TUSC3: variants seen among roughly 807,000 people sequenced by gnomAD.
TUSC3 encodes the protein tumor suppressor candidate 3, also known as dolichyl-diphosphooligosaccharide--protein glycosyltransferase subunit TUSC3.
TUSC3 carries 45 observed loss-of-function variants against 44.8 expected under a neutral mutation model. The ratio of observed to expected loss-of-function variants is 1.00; its 90% CI spans 0.79 to 1.29. The LOEUF is 1.29. Ranked by LOEUF, TUSC3 falls within the 50% of genes most tolerant of loss-of-function variation. The pLI is 0.00. For missense variants in TUSC3, 519 were observed against 437.9 expected (o/e 1.19, Z -1.65); for synonymous variants, 212 against 152.9 (o/e 1.39, Z -2.85).
chr8:15,493,203 T>C (rs1365449659), intron 2 of TUSC3, among the ~76,000 whole-genome samples: 1 of 152,214 alleles, frequency 6.6e-6, no homozygotes, highest in Non-Finnish European at 1.5e-5. Flanking sequence ...CCCTGGTCTC[T>C]GATGTTTCTG....
chr8:15,452,815 G>C (rs1446336970), intron 1 of TUSC3, among the ~76,000 whole-genome samples: 2 of 152,086 alleles, frequency 1.3e-5, no homozygotes, highest in Non-Finnish European at 2.9e-5. Context: ...AAAATCTCCA[G>C]GAAGCTTTTG....
chr8:15,551,471 G>C (rs1181356952), intron 1 of TUSC3, among the ~76,000 whole-genome samples: 1 of 151,570 alleles, frequency 6.6e-6, no homozygotes, highest in African/African-American at 2.4e-5. Flanking sequence ...TATATGATTC[G>C]TGGGGGGTAA....
At chr8:15,540,676 G>A in intron 1 of TUSC3, 108 bp downstream of exon 1, 1 of 1,389,356 alleles carries the variant, frequency 7.2e-7, no homozygotes, top group South Asian at 1.6e-5. Flanking sequence ...GCCGGCGTGG[G>A]CGATGCCGGC....
intron 1 of TUSC3, among the ~76,000 whole-genome samples, chr8:15,591,155 G>A (rs968565298): frequency 6.6e-6 from 1 of 152,040 alleles, no homozygotes; most frequent in African/African-American, 2.4e-5. Context: ...AAAAATATTT[G>A]AAGATTTAAA....
intron 6 of TUSC3, among the ~76,000 whole-genome samples, chr8:15,716,868 T>A (rs950302218): frequency 2.6e-5 from 4 of 152,060 alleles, no homozygotes; most frequent in African/African-American, 9.7e-5. Context: ...CTTCATACCC[T>A]TTTGAGGACT....
chr8:15,597,759 A>G (rs1445716753), intron 1 of TUSC3, among the ~76,000 whole-genome samples: 1 of 152,104 alleles, frequency 6.6e-6, no homozygotes, highest in Non-Finnish European at 1.5e-5. Context: ...ACTTGAAAGC[A>G]TATGGCTAAG....
intron 6 of TUSC3, among the ~76,000 whole-genome samples, chr8:15,695,932 C>T (rs748095641): frequency 3.9e-5 from 6 of 152,026 alleles, no homozygotes; most frequent in Non-Finnish European, 7.4e-5. Flanking sequence ...TGCTGTTAAA[C>T]GCATTCAGTT....
At chr8:15,430,319 T>G (rs1474343295) in intron 1 of TUSC3, among the ~76,000 whole-genome samples, 1 of 149,572 alleles carries the variant, frequency 6.7e-6, no homozygotes, top group Non-Finnish European at 1.5e-5. Context: ...CAAGGCTGGT[T>G]CAACATAAAC....
At chr8:15,597,852 A>G (rs1325166342) in intron 1 of TUSC3, among the ~76,000 whole-genome samples, 1 of 152,044 alleles carries the variant, frequency 6.6e-6, no homozygotes, top group African/African-American at 2.4e-5. Context: ...GGCATTTGGA[A>G]TTCTAAGTTG....
Position 15,461,039 on chromosome 8 carries a change from G to A in TUSC3, n.92-22347G>A, listed in dbSNP as rs377518701. On this transcript the variant is annotated intron_variant and non_coding_transcript_variant, in intron 1 of 5. Coordinates refer to the TUSC3 transcript ENST00000503191. ...CTTTTTAACTTCCATATGAATTTTA[G>A]AATTGTGTTTTCTAATTCTGTGAAG... Among the ~76,000 whole-genome samples, 100 of 152,184 alleles carry A rather than the reference G, an allele frequency of 6.6e-4. 1 individual carries two copies. The South Asian group carries it at 0.019, about 30-fold the overall frequency.
chr8:15,457,296 C>T (rs1276085058), intron 1 of TUSC3, among the ~76,000 whole-genome samples: 2 of 151,230 alleles, frequency 1.3e-5, no homozygotes, highest in African/African-American at 2.4e-5. Flanking sequence ...TGCACAAGTA[C>T]CCTAGAACTT....
intron 1 of TUSC3, among the ~76,000 whole-genome samples, chr8:15,420,983 T>G (rs1336587299): frequency 6.6e-6 from 1 of 152,182 alleles, no homozygotes; most frequent in Non-Finnish European, 1.5e-5. Context: ...TATATGCAAG[T>G]GACACTAATT....
intron 6 of TUSC3, among the ~76,000 whole-genome samples, chr8:15,675,742 A>G (rs1808159556): frequency 6.6e-6 from 1 of 152,124 alleles, no homozygotes; most frequent in Admixed American, 6.6e-5. Context: ...CTCCAGCTGC[A>G]TCCATATTGC....
intron 1 of TUSC3, among the ~76,000 whole-genome samples, chr8:15,482,006 GCTT>G (rs1262939742): frequency 1.3e-5 from 2 of 152,152 alleles, no homozygotes; most frequent in African/African-American, 4.8e-5. Flanking sequence ...CAATCCAGCT[GCTT>G]CTTTATTAAC....
chr8:15,593,132 G>A (rs776726898), intron 1 of TUSC3, among the ~76,000 whole-genome samples: 1 of 152,004 alleles, frequency 6.6e-6, no homozygotes, highest in Non-Finnish European at 1.5e-5. Flanking sequence ...GTTGCCCAGG[G>A]TGGAGTGCAG....
intron 1 of TUSC3, among the ~76,000 whole-genome samples, chr8:15,621,504 CAT>C (rs10569091): frequency 0.35 from 49,851 of 142,770 alleles, 8,675 homozygotes; most frequent in Non-Finnish European, 0.38. Context: ...ATAAAATACA[CAT>C]AAATATATGT....
At chr8:15,696,527 G>A (rs529709794) in intron 6 of TUSC3, among the ~76,000 whole-genome samples, 42 of 152,250 alleles carry the variant, frequency 2.8e-4, no homozygotes, top group African/African-American at 5.3e-4. Flanking sequence ...CTGGGACACC[G>A]CCTCGTAGAG....
chr8:15,468,156 T>G (rs1344842817), intron 1 of TUSC3, among the ~76,000 whole-genome samples: 1 of 152,210 alleles, frequency 6.6e-6, no homozygotes, highest in Admixed American at 6.5e-5. Flanking sequence ...TATCATATAA[T>G]TATCATCCTG....
chr8:15,427,570 C>T (rs1435171514), intron 1 of TUSC3, among the ~76,000 whole-genome samples: 3 of 152,110 alleles, frequency 2.0e-5, no homozygotes, highest in Non-Finnish European at 2.9e-5. Flanking sequence ...TCTCTCAAGT[C>T]GCCTGGTTGG....
Sources: allele counts gnomAD v4.1 joint callset (sites outside exome capture counted in the v4.1 genomes callset), GRCh38; gene constraint gnomAD v4.1.1; transcripts MANE v1.5; gene names NCBI Gene and HGNC (gene_info 2026-07-23, HGNC 2026-07-21).